The following GNAL variants were observed in gnomAD, a reference collection of about 807,000 sequenced individuals.
GNAL encodes the protein guanine nucleotide-binding protein G(olf) subunit alpha.
GNAL carries 18 observed loss-of-function variants against 55.1 expected under a neutral mutation model. The observed-to-expected ratio is 0.33, with a 90% CI of 0.23 to 0.48. The LOEUF (loss-of-function observed/expected upper bound fraction) is 0.48. Ranked by LOEUF, GNAL falls within the 20% of genes least tolerant of loss-of-function variation. The pLI is 0.99. For synonymous variants in GNAL, 253 were observed against 237.0 expected (o/e 1.07, Z -0.62); for missense variants, 412 against 614.1 (o/e 0.67, Z 3.48).
At chr18:11,717,424 A>G (rs979020695) in intron 1 of GNAL, among the ~76,000 whole-genome samples, 3 of 152,224 alleles carry the variant, frequency 2.0e-5, no homozygotes, top group African/African-American at 7.2e-5. Flanking sequence ...AGGCCCCGAG[A>G]GCGAGTGAGG....
At chr18:11,729,770 TG>T (rs1376699425) in intron 1 of GNAL, among the ~76,000 whole-genome samples, 1 of 152,206 alleles carries the variant, frequency 6.6e-6, no homozygotes, top group Non-Finnish European at 1.5e-5. Flanking sequence ...TCTGAGCCAA[TG>T]TGGCTGCTCG....
chr18:11,855,896 C>T lies in GNAL; in HGVS notation c.723-6499C>T, dbSNP rs188997044. Among the ~76,000 whole-genome samples the T allele has an allele frequency of 1.9e-3, 281 of 151,044 alleles. 1 individual carries two copies. The highest frequency in any genetic ancestry group is 6.8e-3 in the Middle Eastern group (2 of 292). ...CTGAGGCAGGAGAATTGCTTAAACC[C>T]GGGAGGTGGAGGTTGCGGTGAGCCG... On this transcript the variant is annotated intron_variant, in intron 5 of 11. Transcript: ENST00000334049.
At chr18:11,717,261 C>T (rs114407307) in intron 1 of GNAL, among the ~76,000 whole-genome samples, 2,403 of 152,312 alleles carry the variant, frequency 0.016, 63 homozygotes, top group African/African-American at 0.053. Context: ...CCTGTTCCCC[C>T]GGCACCTCTC....
At chr18:11,825,654 C>G (rs2035220954) in intron 5 of GNAL, among the ~76,000 whole-genome samples, 1 of 135,920 alleles carries the variant, frequency 7.4e-6, no homozygotes, top group Non-Finnish European at 1.5e-5. Context: ...TCACTTGAAC[C>G]TGGGAGGCGG....
intron 4 of GNAL, among the ~76,000 whole-genome samples, chr18:11,824,314 A>G: frequency 6.6e-6 from 1 of 151,930 alleles, no homozygotes; most frequent in East Asian, 1.9e-4. Context: ...CTTTAGAATT[A>G]TGCTGTTAAT....
At chr18:11,711,552 T>C (rs969706655) in intron 1 of GNAL, among the ~76,000 whole-genome samples, 1 of 152,212 alleles carries the variant, frequency 6.6e-6, no homozygotes, top group South Asian at 2.1e-4. Context: ...ACAATTTGTG[T>C]TTTGTTCTCT....
chr18:11,763,752 A>C (rs2033317838), intron 4 of GNAL, among the ~76,000 whole-genome samples: 1 of 152,220 alleles, frequency 6.6e-6, no homozygotes, highest in South Asian at 2.1e-4. Flanking sequence ...TAACAATAAT[A>C]ATAAATAATG....
chr18:11,752,666 G>A lies in GNAL; in HGVS notation c.377-187G>A. ...GCGCCAGGCTGGGCGGGCAGGGCCG[G>A]GCGAGGGTCGCGCGCACCTCTGGGC... On this transcript the variant is annotated intron_variant, in intron 1 of 11. Coordinates refer to ENST00000334049, the MANE Select transcript of GNAL (RefSeq NM_182978.4). This position sits in a 1 kb window ranked among gnomAD's most constrained non-coding sequence, Gnocchi z 4.5. 7.5e-7 allele frequency: 1 copy of A among 1,324,866 alleles called. No homozygotes were observed. Among genetic ancestry groups the A allele is most frequent in the Non-Finnish European group, 9.8e-7 (1 of 1,019,038 alleles). 82.1% of individuals were successfully genotyped at this position (1,324,866 alleles called of 1,614,324 possible). A position where few individuals can be genotyped will look rare whatever the true frequency, so the allele number is the denominator to read the frequency against.
intron 5 of GNAL, among the ~76,000 whole-genome samples, chr18:11,850,711 A>G (rs373177671): frequency 1.8e-4 from 28 of 152,334 alleles, no homozygotes; most frequent in Admixed American, 5.2e-4. Context: ...TGTCAGCAAA[A>G]GATGGGTCTT....
intron 5 of GNAL, among the ~76,000 whole-genome samples, chr18:11,835,236 G>A (rs2035473927): frequency 1.3e-5 from 2 of 152,084 alleles, no homozygotes; most frequent in Non-Finnish European, 1.5e-5. Context: ...TATTTCAGAG[G>A]GAGTGTACTG....
intron 4 of GNAL, among the ~76,000 whole-genome samples, chr18:11,804,003 A>T (rs1159019239): frequency 8.1e-5 from 10 of 123,214 alleles, no homozygotes; most frequent in Non-Finnish European, 1.2e-4. Flanking sequence ...GAAGTACAGG[A>T]GCAGTTTGAG....
chr18:11,702,514 C>T (rs1216488522), intron 1 of GNAL, among the ~76,000 whole-genome samples: 6 of 152,170 alleles, frequency 3.9e-5, no homozygotes, highest in Non-Finnish European at 7.3e-5. Context: ...TTGAGAAGGA[C>T]GTCAGTGCTG....
At chr18:11,693,614 G>C (rs1417630389) in intron 1 of GNAL, among the ~76,000 whole-genome samples, 2 of 151,968 alleles carry the variant, frequency 1.3e-5, no homozygotes, top group Non-Finnish European at 2.9e-5. Context: ...CTGCCATTGT[G>C]TTTAACAGCC....
chr18:11,727,111 C>T (rs137950165), intron 1 of GNAL, among the ~76,000 whole-genome samples: 108 of 152,172 alleles, frequency 7.1e-4, no homozygotes, highest in African/African-American at 2.4e-3. Flanking sequence ...AGTGTGGGCC[C>T]TTCCCTGCTT....
In GNAL at chr18:11,725,691, G is replaced by A. The variant is rs1326971857; in HGVS notation, c.377-27162G>A. 2.0e-5 allele frequency among the ~76,000 whole-genome samples: 3 copies of A among 152,132 alleles called. No homozygotes were observed. In the East Asian group the frequency reaches 5.8e-4, roughly 29 times the overall value. Reference sequence around the variant, plus strand: ...ATTCATTCACCTGTTGGACATCTTGGTTGCCTCCAAGTTTTGGCAATCGTG... The same window carrying A: ...ATTCATTCACCTGTTGGACATCTTGATTGCCTCCAAGTTTTGGCAATCGTG... On this transcript the variant is annotated intron_variant, in intron 1 of 11. Coordinates refer to ENST00000334049, the MANE Select transcript of GNAL (RefSeq NM_182978.4).
rs2032869915 is a variant in GNAL at position 11,752,263 on chromosome 18, G to C, written c.377-590G>C. The C allele has an allele frequency of 2.2e-6, 3 of 1,366,902 alleles. No individual in the cohort carries two copies. Among genetic ancestry groups the C allele is most frequent in the South Asian group, 3.7e-5 (2 of 54,532 alleles). The allele number at this position is 1,366,902 out of a possible 1,614,324, so 84.7% of individuals were successfully genotyped here. A position where few individuals can be genotyped will look rare whatever the true frequency, so the allele number is the denominator to read the frequency against. ...TTAGTTGGGAGTTTGCGGTGGGCAG[G>C]GGGAGGGAGAAGAAACGCCTGCTCT... On this transcript the variant is annotated intron_variant, in intron 1 of 11. Coordinates refer to ENST00000334049, the MANE Select transcript of GNAL (RefSeq NM_182978.4). This position sits in a 1 kb window ranked among gnomAD's most constrained non-coding sequence, Gnocchi z 4.5.
At chr18:11,748,180 G>A (rs2032733515) in intron 1 of GNAL, among the ~76,000 whole-genome samples, 1 of 152,204 alleles carries the variant, frequency 6.6e-6, no homozygotes, top group Non-Finnish European at 1.5e-5. Flanking sequence ...GGCTAAGATT[G>A]GCTTTGCATT....
intron 4 of GNAL, among the ~76,000 whole-genome samples, chr18:11,790,947 G>A (rs543861226): frequency 6.6e-6 from 1 of 151,710 alleles, no homozygotes; most frequent in Non-Finnish European, 1.5e-5. Context: ...GTGAGCCACC[G>A]CGTCCAGCCA....
At chr18:11,870,594 A>G (rs1375201834) in intron 9 of GNAL, among the ~76,000 whole-genome samples, 1 of 152,214 alleles carries the variant, frequency 6.6e-6, no homozygotes, top group East Asian at 1.9e-4. Flanking sequence ...ACTAATAACT[A>G]GATGATCTCT....
Sources: allele counts gnomAD v4.1 joint callset (sites outside exome capture counted in the v4.1 genomes callset), GRCh38; gene constraint gnomAD v4.1.1; non-coding constraint Gnocchi (gnomAD v3.1); transcripts MANE v1.5; gene names NCBI Gene and HGNC (gene_info 2026-07-23, HGNC 2026-07-21).